Variants in DGKD observed in about 807,000 individuals in gnomAD.
The protein encoded by DGKD is diacylglycerol kinase delta.
In DGKD, 68 loss-of-function variants were observed where a neutral mutation model predicts 154.4. The observed-to-expected ratio is 0.44, with a 90% confidence interval of 0.36 to 0.54. DGKD has a LOEUF of 0.54. Ranked by LOEUF, DGKD falls within the 20% of genes least tolerant of loss-of-function variation. The pLI is 0.00. For synonymous variants in DGKD, 693 were observed against 638.0 expected, an observed-to-expected ratio of 1.09 and a Z score of -1.30; for missense variants, 1,343 against 1,593.6, an observed-to-expected ratio of 0.84 and a Z score of 2.68.
At chr2:233,362,646 T>C (rs915403358) in intron 1 of DGKD, among the ~76,000 whole-genome samples, 2 of 152,134 alleles carry the variant, frequency 1.3e-5, no homozygotes, top group African/African-American at 4.8e-5. Context: ...AGCGAAACTC[T>C]GTATTAAATA....
Position 233,470,898 on chromosome 2 carries a change from G to GTGGCTTCTCTTTGGCTCCCAAAGAGAA in DGKD, c.*1438_*1439insTGGCTTCTCTTTGGCTCCCAAAGAGAA, listed in dbSNP as rs2063991413. 1 of 152,268 alleles carries GTGGCTTCTCTTTGGCTCCCAAAGAGAA rather than the reference G, an allele frequency of 6.6e-6. No individual in the cohort carries two copies. Among genetic ancestry groups the GTGGCTTCTCTTTGGCTCCCAAAGAGAA allele is most frequent in the African/African-American group, 2.4e-5 (1 of 41,400 alleles). 9.4% of individuals were successfully genotyped at this position (152,268 alleles called of 1,614,324 possible). A position where few individuals can be genotyped will look rare whatever the true frequency, so the allele number is the denominator to read the frequency against. On this transcript the variant is annotated 3_prime_UTR_variant, in exon 30 of 30. Coordinates refer to ENST00000264057, the MANE Select transcript of DGKD (RefSeq NM_152879.3). ...AAGGACAGTGTTGGGAGTATCTGCC[G>GTGGCTTCTCTTTGGCTCCCAAAGAGAA]GCGCTGTCCAGGTCCTTTAGTCAGC...
At chr2:233,369,452 T>C (rs902909133) in intron 1 of DGKD, among the ~76,000 whole-genome samples, 2 of 152,240 alleles carry the variant, frequency 1.3e-5, no homozygotes, top group African/African-American at 4.8e-5. Context: ...ATTTTAATTT[T>C]AACTTTTTAA....
At position 233,357,537 on chromosome 2, in the gene DGKD, C is replaced by CTT. The variant is rs374813757; in HGVS notation, c.156+2880_156+2881dup. Among the ~76,000 whole-genome samples the CTT allele has an allele frequency of 9.6e-3, 1,235 of 129,188 alleles. 12 individuals carry two copies. Among genetic ancestry groups the CTT allele is most frequent in the African/African-American group, 0.021 (699 of 33,562 alleles). 84.8% of individuals were successfully genotyped at this position (129,188 alleles called of 152,430 possible). A position where few individuals can be genotyped will look rare whatever the true frequency, so the allele number is the denominator to read the frequency against. ...TGCATTTCTTTTTCTTTCTTTCTTT[C>CTT]TTTTTTTTTTTTTTTTTTGAGACAA... On this transcript the variant is annotated intron_variant, in intron 1 of 29. Coordinates refer to ENST00000264057, the MANE Select transcript of DGKD (RefSeq NM_152879.3).
chr2:233,380,744 A>G (rs1307804737), intron 1 of DGKD, among the ~76,000 whole-genome samples: 1 of 152,136 alleles, frequency 6.6e-6, no homozygotes, highest in Non-Finnish European at 1.5e-5. Flanking sequence ...GCTTTAGGAA[A>G]GTGGGTGTGA....
At chr2:233,361,442 A>G (rs1184787770) in intron 1 of DGKD, among the ~76,000 whole-genome samples, 1 of 152,188 alleles carries the variant, frequency 6.6e-6, no homozygotes, top group Non-Finnish European at 1.5e-5. Context: ...TTGTACGTTC[A>G]TGATTGTGCA....
intron 3 of DGKD, among the ~76,000 whole-genome samples, chr2:233,403,997 T>C (rs2125492962): frequency 6.6e-6 from 1 of 152,336 alleles, no homozygotes; most frequent in Admixed American, 6.5e-5. Flanking sequence ...TATACATGTA[T>C]AATTTTGTGT....
At chr2:233,393,889 C>CT (rs1480062166) in intron 3 of DGKD, among the ~76,000 whole-genome samples, 1 of 151,782 alleles carries the variant, frequency 6.6e-6, no homozygotes, top group Non-Finnish European at 1.5e-5. Flanking sequence ...ACCGTGTTGG[C>CT]TAGGCTGGTC....
chr2:233,391,420 A>G (rs528863008), intron 3 of DGKD, among the ~76,000 whole-genome samples: 42 of 148,846 alleles, frequency 2.8e-4, no homozygotes, highest in Non-Finnish European at 5.3e-4. Context: ...TTCCCCCCCC[A>G]GGACAATTTA....
intron 3 of DGKD, among the ~76,000 whole-genome samples, chr2:233,396,975 G>T (rs1407583461): frequency 1.7e-5 from 2 of 116,272 alleles, no homozygotes; most frequent in South Asian, 6.4e-4. Context: ...GGGTGGCTGG[G>T]GGGGGCAGAG....
At chr2:233,358,913 C>T (rs1332710776) in intron 1 of DGKD, among the ~76,000 whole-genome samples, 1 of 152,162 alleles carries the variant, frequency 6.6e-6, no homozygotes, top group Admixed American at 6.6e-5. Context: ...TGGCTATACA[C>T]CTAGGAGTGG....
rs963687802 is a variant in DGKD, at chr2:233,398,165, T to C, written c.348+7682T>C. 1.3e-3 allele frequency among the ~76,000 whole-genome samples: 195 copies of C among 144,536 alleles called. 1 individual carries two copies. The highest frequency in any genetic ancestry group is 1.8e-3 in the Non-Finnish European group (123 of 66,950). The allele number at this position is 144,536 out of a possible 152,430, so 94.8% of individuals were successfully genotyped here. On this transcript the variant is annotated intron_variant, in intron 3 of 29. Transcript: ENST00000264057. The stretch of plus-strand genomic sequence containing the variant: ...AGGTAAAATTTTTTTTTTTTTGAGA[T>C]GGAGTCTCGCTCTGTTGCCCAGGCT...
chr2:233,465,663 A>G (rs1342558655), intron 27 of DGKD, among the ~76,000 whole-genome samples: 1 of 152,228 alleles, frequency 6.6e-6, no homozygotes, highest in Non-Finnish European at 1.5e-5. Flanking sequence ...CCAAATTGCC[A>G]CCAAGGACAA....
Position 233,458,446 on chromosome 2 carries a change from G to T in DGKD, c.2694+49G>T. ...TCTGGCCGAGTCCCCAGCCCGGAGT[G>T]TGCTAAATTCTGGGGCAGTGCATGG... On this transcript the variant is annotated intron_variant, in intron 22 of 29. Transcript: ENST00000264057. This position sits in a 1 kb window ranked among gnomAD's most constrained non-coding sequence, Gnocchi z 6.6. 5 of 1,473,862 alleles carry T rather than the reference G, an allele frequency of 3.4e-6. No individual in the cohort carries two copies. The highest frequency in any genetic ancestry group is 4.7e-6 in the Non-Finnish European group (5 of 1,072,506). The allele number at this position is 1,473,862 out of a possible 1,614,324, so 91.3% of individuals were successfully genotyped here.
At chr2:233,411,634 C>A (rs889531238) in intron 3 of DGKD, among the ~76,000 whole-genome samples, 2 of 152,068 alleles carry the variant, frequency 1.3e-5, no homozygotes, top group African/African-American at 4.8e-5. Flanking sequence ...CTTGTGTTTT[C>A]TTTAATGACA....
intron 1 of DGKD, among the ~76,000 whole-genome samples, chr2:233,365,211 T>C (rs1187647355): frequency 6.6e-6 from 1 of 152,078 alleles, no homozygotes; most frequent in African/African-American, 2.4e-5. Flanking sequence ...AAGTGTAGAA[T>C]TGAACAACAC....
intron 1 of DGKD, among the ~76,000 whole-genome samples, chr2:233,357,083 G>T (rs184134680): frequency 6.6e-6 from 1 of 152,314 alleles, no homozygotes; most frequent in East Asian, 1.9e-4. Context: ...AAGTTGGAGG[G>T]TGAAGGAAGG....
chr2:233,426,553 G>A (rs2062307653), intron 3 of DGKD, among the ~76,000 whole-genome samples: 1 of 152,158 alleles, frequency 6.6e-6, no homozygotes, highest in Non-Finnish European at 1.5e-5. Flanking sequence ...TAATGCATAA[G>A]GAAATTACAC....
chr2:233,405,643 C>T (rs561385433), intron 3 of DGKD, among the ~76,000 whole-genome samples: 1 of 152,318 alleles, frequency 6.6e-6, no homozygotes, highest in South Asian at 2.1e-4. Flanking sequence ...TCTCCTCCCC[C>T]TTGTTCTCAC....
chr2:233,387,389 G>A (rs1559491065), intron 1 of DGKD, among the ~76,000 whole-genome samples: 1 of 152,270 alleles, frequency 6.6e-6, no homozygotes, highest in East Asian at 1.9e-4. Flanking sequence ...CATAGTGTGC[G>A]AACGCCGAGA....
Sources: allele counts gnomAD v4.1 joint callset (sites outside exome capture counted in the v4.1 genomes callset), GRCh38; gene constraint gnomAD v4.1.1; non-coding constraint Gnocchi (gnomAD v3.1); transcripts MANE v1.5; gene names NCBI Gene and HGNC (gene_info 2026-07-23, HGNC 2026-07-21).